FAM13A: variants seen among roughly 807,000 people sequenced by gnomAD.
FAM13A encodes the protein family with sequence similarity 13 member A.
In FAM13A, 76 loss-of-function variants were observed where a neutral mutation model predicts 129.6. The observed-to-expected ratio is 0.59, with a 90% CI of 0.49 to 0.71. The LOEUF (loss-of-function observed/expected upper bound fraction) is 0.71. FAM13A is among the 30% of genes least tolerant of loss of function. The pLI, the probability that FAM13A is intolerant of heterozygous loss-of-function variation, is 0.00. For missense variants in FAM13A, 1,108 were observed against 1,249.3 expected (o/e 0.89, Z 1.70); for synonymous variants, 443 against 449.9 (o/e 0.98, Z 0.20).
intron 5 of FAM13A, among the ~76,000 whole-genome samples, chr4:88,933,367 A>G (rs1753352484): frequency 1.3e-5 from 2 of 152,106 alleles, no homozygotes; most frequent in Admixed American, 6.6e-5. Context: ...GTCCCCCTCA[A>G]TATCTGCCAC....
At chr4:88,767,471 G>T in intron 13 of FAM13A, 82 bp downstream of exon 13, 3 of 968,046 alleles carry the variant, frequency 3.1e-6, no homozygotes, top group Non-Finnish European at 4.5e-6. Flanking sequence ...GTCCCTTATT[G>T]GCAGACTAAT....
intron 15 of FAM13A, 51 bp from the exon 16 acceptor site, chr4:88,749,960 C>A (rs1742213346): frequency 6.3e-7 from 1 of 1,599,022 alleles, no homozygotes; most frequent in African/African-American, 1.3e-5. Context: ...TCACTGCTTG[C>A]CTAGAGGGGC....
At chr4:88,844,540 G>T (rs988982064) in intron 7 of FAM13A, among the ~76,000 whole-genome samples, 3 of 152,086 alleles carry the variant, frequency 2.0e-5, no homozygotes, top group African/African-American at 7.2e-5. Context: ...CAAATATCAA[G>T]ACAAAATATG....
intron 5 of FAM13A, among the ~76,000 whole-genome samples, chr4:88,928,761 C>T (rs1752598948): frequency 6.6e-6 from 1 of 152,004 alleles, no homozygotes; most frequent in Admixed American, 6.6e-5. Flanking sequence ...ATCCAGTCTG[C>T]CAATCTGTAT....
At chr4:88,911,862 T>C (rs1749136404) in intron 5 of FAM13A, among the ~76,000 whole-genome samples, 2 of 152,214 alleles carry the variant, frequency 1.3e-5, no homozygotes, top group East Asian at 3.9e-4. Context: ...CTTCCCTTCA[T>C]AGCAAATTCC....
intron 7 of FAM13A, among the ~76,000 whole-genome samples, chr4:88,843,463 A>G (rs1013478412): frequency 6.6e-6 from 1 of 152,250 alleles, no homozygotes; most frequent in Non-Finnish European, 1.5e-5. Context: ...AGTAGCAGAG[A>G]GTGAAACACT....
At chr4:88,901,265 C>G (rs1747254487) in intron 6 of FAM13A, among the ~76,000 whole-genome samples, 1 of 151,998 alleles carries the variant, frequency 6.6e-6, no homozygotes, top group African/African-American at 2.4e-5. Context: ...ATAGTCAAGA[C>G]CTGAACTCAG....
At chr4:88,767,022 A>G (rs964811027) in intron 13 of FAM13A, among the ~76,000 whole-genome samples, 1 of 152,192 alleles carries the variant, frequency 6.6e-6, no homozygotes. Flanking sequence ...TGAGAGGACA[A>G]GTGGGAGGTC....
chr4:88,838,658 C>T (rs1452601192), intron 7 of FAM13A, among the ~76,000 whole-genome samples: 4 of 151,294 alleles, frequency 2.6e-5, no homozygotes, highest in Non-Finnish European at 4.4e-5. Context: ...ACCCGGGAGG[C>T]GGAGCTTGCA....
At position 88,892,818 on chromosome 4, in the gene FAM13A, A is replaced by G. The variant is rs191412651; in HGVS notation, c.843+13561T>C. ...AGTCAAATGATAAAAGGCTTGAAAA[A>G]GAATAAACAATGCTCATTATTTTTT... is the stretch of plus-strand genomic sequence containing the variant. On this transcript the variant is annotated intron_variant, in intron 6 of 23. Coordinates refer to ENST00000264344, the MANE Select transcript of FAM13A (RefSeq NM_014883.4). 2.0e-3 allele frequency among the ~76,000 whole-genome samples: 302 copies of G among 152,338 alleles called. 2 individuals are homozygous for G. Among genetic ancestry groups the G allele is most frequent in the African/African-American group, 6.7e-3 (279 of 41,590 alleles).
chr4:88,856,207 T>C (rs569542932), intron 6 of FAM13A, among the ~76,000 whole-genome samples: 1 of 152,168 alleles, frequency 6.6e-6, no homozygotes, highest in Admixed American at 6.6e-5. Flanking sequence ...GGACCGGGCA[T>C]GGTGGCTCAC....
At position 88,948,057 on chromosome 4, in the gene FAM13A, C is replaced by G. The variant is rs545494198; in HGVS notation, c.606-9816G>C. 2.0e-4 allele frequency among the ~76,000 whole-genome samples: 31 copies of G among 152,220 alleles called. No individual in the cohort carries two copies. The East Asian group carries it at 6.0e-3, about 29-fold the overall frequency. ...GCAAAAAAGATTGAGAAACACTGCT[C>G]TTGTCCCTCCAGTACATTACTATGA... On this transcript the variant is annotated intron_variant, in intron 4 of 23. Transcript: ENST00000264344.
chr4:88,970,985 G>A (rs983380983), intron 4 of FAM13A, among the ~76,000 whole-genome samples: 3 of 152,220 alleles, frequency 2.0e-5, no homozygotes, highest in African/African-American at 7.2e-5. Context: ...GAGGCGGGTG[G>A]ATCATGAAGT....
At chr4:88,895,912 A>G (rs1383795134) in intron 6 of FAM13A, among the ~76,000 whole-genome samples, 2 of 148,792 alleles carry the variant, frequency 1.3e-5, no homozygotes, top group African/African-American at 5.0e-5. Context: ...CAGCCATCGC[A>G]TTACTGGGTA....
intron 7 of FAM13A, among the ~76,000 whole-genome samples, chr4:88,835,354 A>C (rs1734640162): frequency 6.6e-6 from 1 of 152,154 alleles, no homozygotes; most frequent in South Asian, 2.1e-4. Flanking sequence ...CTCCTGAATG[A>C]CTGAAGTCAC....
At chr4:88,974,507 T>C (rs188575314) in intron 4 of FAM13A, among the ~76,000 whole-genome samples, 1 of 152,188 alleles carries the variant, frequency 6.6e-6, no homozygotes, top group Admixed American at 6.5e-5. Flanking sequence ...AGACAGACTC[T>C]CGCTCTGTCG....
At chr4:88,853,826 G>C (rs1033993766) in intron 6 of FAM13A, among the ~76,000 whole-genome samples, 2 of 152,230 alleles carry the variant, frequency 1.3e-5, no homozygotes, top group South Asian at 4.1e-4. Context: ...AAAGCAGGCA[G>C]AGGAACGTGG....
At chr4:89,043,159 T>G (rs1223451550) in intron 1 of FAM13A, among the ~76,000 whole-genome samples, 1 of 152,152 alleles carries the variant, frequency 6.6e-6, no homozygotes, top group Non-Finnish European at 1.5e-5. Context: ...ACCTGAAAGA[T>G]AGAGCACACT....
chr4:88,772,890 A>G (rs928312683), intron 11 of FAM13A, among the ~76,000 whole-genome samples: 2 of 152,194 alleles, frequency 1.3e-5, no homozygotes, highest in African/African-American at 4.8e-5. Flanking sequence ...TCCTTACTCA[A>G]TAGTACACAA....
Sources: gnomAD v4.1 joint callset for allele counts (sites outside exome capture counted in the v4.1 genomes callset) on GRCh38, gnomAD v4.1.1 for gene constraint, MANE v1.5 for transcripts, NCBI Gene and HGNC (gene_info 2026-07-23, HGNC 2026-07-21) for gene names.